Variants in PARP8 observed in about 807,000 individuals in gnomAD.
PARP8 encodes protein mono-ADP-ribosyltransferase PARP8.
In PARP8, 51 loss-of-function variants were observed where a neutral mutation model predicts 124.1. The observed-to-expected ratio is 0.41, with a 90% CI of 0.33 to 0.52. The LOEUF (loss-of-function observed/expected upper bound fraction) is 0.52, where lower values mean the gene tolerates loss of function less well. Ranked by LOEUF, PARP8 falls within the 20% of genes least tolerant of loss-of-function variation. PARP8 has a pLI of 0.21. For missense variants in PARP8, 860 were observed against 1,018.9 expected (o/e 0.84, Z 2.12); for synonymous variants, 391 against 361.5 (o/e 1.08, Z -0.93).
chr5:50,722,540 G>A (rs917608819), intron 2 of PARP8, among the ~76,000 whole-genome samples: 1 of 151,988 alleles, frequency 6.6e-6, no homozygotes, highest in African/African-American at 2.4e-5. Context: ...AAGTCAGCCT[G>A]TATTGTGTTA....
At chr5:50,732,144 T>A (rs928580187) in intron 2 of PARP8, among the ~76,000 whole-genome samples, 1 of 152,196 alleles carries the variant, frequency 6.6e-6, no homozygotes, top group Non-Finnish European at 1.5e-5. Context: ...CATCATAAAT[T>A]TTCCTGAAGA....
intron 2 of PARP8, among the ~76,000 whole-genome samples, chr5:50,715,142 A>G (rs1352810908): frequency 1.3e-5 from 2 of 152,044 alleles, no homozygotes; most frequent in Non-Finnish European, 2.9e-5. Context: ...CTCTCACTTC[A>G]GCACTCTCAA....
chr5:50,708,808 T>C (rs6861235), intron 2 of PARP8, among the ~76,000 whole-genome samples: 2,234 of 151,880 alleles, frequency 0.015, 56 homozygotes, highest in African/African-American at 0.052. Context: ...TTAGAGACAG[T>C]GTCTTACCCG....
In PARP8 at chr5:50,688,507, G is replaced by T. The variant is rs542418693; in HGVS notation, c.146+20382G>T. 1.9e-3 allele frequency among the ~76,000 whole-genome samples: 296 copies of T among 152,166 alleles called. 3 individuals carry two copies. The highest frequency in any genetic ancestry group is 6.7e-3 in the African/African-American group (280 of 41,498). ...AAACTCCTTCCAATGCATGTGGTGG[G>T]GATAATGATATGTAAATATTTTAAT... On this transcript the variant is annotated intron_variant, in intron 2 of 25. Coordinates refer to ENST00000281631, the MANE Select transcript of PARP8 (RefSeq NM_024615.4).
At chr5:50,726,301 G>A (rs1421888206) in intron 2 of PARP8, among the ~76,000 whole-genome samples, 3 of 152,074 alleles carry the variant, frequency 2.0e-5, no homozygotes, top group South Asian at 2.1e-4. Context: ...CATTAAGTGC[G>A]TAGTACAAAA....
intron 2 of PARP8, among the ~76,000 whole-genome samples, chr5:50,746,366 G>C (rs1348513576): frequency 6.6e-6 from 1 of 152,060 alleles, no homozygotes; most frequent in African/African-American, 2.4e-5. Context: ...GCTATAATGG[G>C]TATGTGATGC....
At chr5:50,822,074 A>G (rs889410551) in intron 16 of PARP8, among the ~76,000 whole-genome samples, 1 of 152,144 alleles carries the variant, frequency 6.6e-6, no homozygotes, top group Non-Finnish European at 1.5e-5. Context: ...GGAGCCCCAT[A>G]ACTTTTTTGT....
intron 9 of PARP8, among the ~76,000 whole-genome samples, chr5:50,788,193 TA>T (rs1741498412): frequency 1.6e-5 from 2 of 128,752 alleles, no homozygotes; most frequent in South Asian, 6.4e-4. Flanking sequence ...TATAATATAT[TA>T]ATGTATAATA....
At chr5:50,755,395 A>G (rs1197923037) in intron 3 of PARP8, among the ~76,000 whole-genome samples, 1 of 152,200 alleles carries the variant, frequency 6.6e-6, no homozygotes, top group Admixed American at 6.5e-5. Flanking sequence ...AGCTTTCCAC[A>G]TATGGCTAGC....
intron 2 of PARP8, among the ~76,000 whole-genome samples, chr5:50,746,602 T>C (rs1481355837): frequency 6.6e-6 from 1 of 152,246 alleles, no homozygotes; most frequent in Non-Finnish European, 1.5e-5. Flanking sequence ...TTGTCTGTCA[T>C]ATTTATGTAT....
chr5:50,832,474 T>G (rs553949085), intron 22 of PARP8, among the ~76,000 whole-genome samples: 17 of 152,304 alleles, frequency 1.1e-4, no homozygotes, highest in Non-Finnish European at 2.4e-4. Flanking sequence ...CCTAGCCAGA[T>G]AGTGGGAATG....
At chr5:50,730,512 C>T (rs1397087976) in intron 2 of PARP8, among the ~76,000 whole-genome samples, 3 of 152,208 alleles carry the variant, frequency 2.0e-5, no homozygotes, top group African/African-American at 2.4e-5. Context: ...TCGGGTTAAC[C>T]GCCTCCATGA....
chr5:50,842,685 G>C lies in PARP8; in HGVS notation c.*617G>C, dbSNP rs908892919. 1 of 151,646 alleles carries C rather than the reference G, an allele frequency of 6.6e-6. No individual in the cohort carries two copies. Among genetic ancestry groups the C allele is most frequent in the South Asian group, 2.1e-4 (1 of 4,824 alleles). 9.4% of individuals were successfully genotyped at this position (151,646 alleles called of 1,614,324 possible). A position where few individuals can be genotyped will look rare whatever the true frequency, so the allele number is the denominator to read the frequency against. ...TGAATATATTTGTGTATATTCACACGTATGTTTTGACAAGAAAGATGGCTT... is the reference window on the plus strand; with the variant it reads ...TGAATATATTTGTGTATATTCACACCTATGTTTTGACAAGAAAGATGGCTT... On this transcript the variant is annotated 3_prime_UTR_variant, in exon 26 of 26. Coordinates refer to ENST00000281631, the MANE Select transcript of PARP8 (RefSeq NM_024615.4).
chr5:50,829,863 C>T, intron 21 of PARP8, 29 bp from the exon 22 acceptor site: 2 of 1,577,556 alleles, frequency 1.3e-6, no homozygotes, highest in Non-Finnish European at 1.7e-6. Context: ...GAACAGACCT[C>T]TCTCTCTCTC....
intron 2 of PARP8, among the ~76,000 whole-genome samples, chr5:50,677,314 CAAAAAAA>C (rs35154231): frequency 7.8e-6 from 1 of 128,964 alleles, no homozygotes; most frequent in African/African-American, 2.9e-5. Context: ...AGATATGCAG[CAAAAAAA>C]AAAAAAAAAA....
At position 50,833,459 on chromosome 5, in the gene PARP8, T is replaced by C. The variant is rs186508892; in HGVS notation, c.2308-520T>C. On this transcript the variant is annotated intron_variant, in intron 23 of 25. Coordinates refer to ENST00000281631, the MANE Select transcript of PARP8 (RefSeq NM_024615.4). Reference sequence around the variant, plus strand: ...CTGGGAAAATTAAAAAATCATCTGATAAGTAGTGTGACTTTAAATTTAAAA... The same window carrying C: ...CTGGGAAAATTAAAAAATCATCTGACAAGTAGTGTGACTTTAAATTTAAAA... 7.8e-4 allele frequency: 349 copies of C among 449,688 alleles called. 2 individuals carry two copies. The highest frequency in any genetic ancestry group is 6.9e-3 in the African/African-American group (340 of 49,534). 27.9% of individuals were successfully genotyped at this position (449,688 alleles called of 1,614,324 possible). A position where few individuals can be genotyped will look rare whatever the true frequency, so the allele number is the denominator to read the frequency against.
chr5:50,716,161 GGGAAGA>G (rs1203043201), intron 2 of PARP8, among the ~76,000 whole-genome samples: 1 of 152,142 alleles, frequency 6.6e-6, no homozygotes, highest in East Asian at 1.9e-4. Flanking sequence ...CTATGGAGAA[GGGAAGA>G]GGCTGGTTAT....
intron 24 of PARP8, among the ~76,000 whole-genome samples, chr5:50,834,653 A>G (rs527327517): frequency 2.0e-5 from 3 of 152,294 alleles, no homozygotes; most frequent in Non-Finnish European, 2.9e-5. Flanking sequence ...TGCTGTCTAC[A>G]TAGTTCTTAA....
intron 3 of PARP8, among the ~76,000 whole-genome samples, chr5:50,759,161 C>T (rs546340320): frequency 6.6e-6 from 1 of 152,224 alleles, no homozygotes; most frequent in Non-Finnish European, 1.5e-5. Flanking sequence ...TCGAGTGACC[C>T]GCCTGCCTAG....
Sources: gnomAD v4.1 joint callset for allele counts (sites outside exome capture counted in the v4.1 genomes callset) on GRCh38, gnomAD v4.1.1 for gene constraint, MANE v1.5 for transcripts, NCBI Gene and HGNC (gene_info 2026-07-23, HGNC 2026-07-21) for gene names.